Variants in GLRA3 observed in about 807,000 individuals in gnomAD.
GLRA3 encodes glycine receptor alpha 3.
In GLRA3, 44 loss-of-function variants were observed where a neutral mutation model predicts 60.4. That is an observed-to-expected ratio of 0.73 (90% CI 0.57 to 0.94). The LOEUF is 0.94. GLRA3 is among the 40% of genes least tolerant of loss of function. The probability of loss-of-function intolerance (pLI) is 0.00; values close to 1 mark genes in which losing one functional copy is unlikely to be tolerated. For missense variants in GLRA3, 508 were observed against 564.6 expected, an observed-to-expected ratio of 0.90 and a Z score of 1.02; for synonymous variants, 223 against 192.9, an observed-to-expected ratio of 1.16 and a Z score of -1.29.
chr4:174,802,321 A>G lies in GLRA3; in HGVS notation c.72-13378T>C, dbSNP rs145423937. On this transcript the variant is annotated intron_variant, in intron 1 of 9. Transcript: ENST00000274093. ...AAAACTTGAGACTTACATTTGTCTC[A>G]TCTACGTTCCTTTCTCAGAAAACCT... 5.4e-3 allele frequency among the ~76,000 whole-genome samples: 828 copies of G among 152,174 alleles called. 5 individuals are homozygous for G. The highest frequency in any genetic ancestry group is 0.019 in the African/African-American group (806 of 41,554).
intron 1 of GLRA3, among the ~76,000 whole-genome samples, chr4:174,819,868 TA>T (rs1298524394): frequency 2.0e-5 from 3 of 152,206 alleles, no homozygotes; most frequent in African/African-American, 7.2e-5. Context: ...ATGCATCATT[TA>T]TTTGATTAAT....
At chr4:174,704,017 GGGCACGGTGGCACA>G (rs2111057673) in intron 5 of GLRA3, among the ~76,000 whole-genome samples, 1 of 145,826 alleles carries the variant, frequency 6.9e-6, no homozygotes, top group South Asian at 2.2e-4. Flanking sequence ...GAAAGAGGCT[GGGCACGGTGGCACA>G]GGCATGTAAT....
intron 5 of GLRA3, among the ~76,000 whole-genome samples, chr4:174,689,277 C>T (rs958675747): frequency 2.0e-5 from 3 of 152,148 alleles, no homozygotes; most frequent in Admixed American, 1.3e-4. Flanking sequence ...TATGTATACA[C>T]ATCTAATAAT....
chr4:174,692,810 CG>C (rs1375302658), intron 5 of GLRA3, among the ~76,000 whole-genome samples: 2 of 151,944 alleles, frequency 1.3e-5, no homozygotes, highest in Non-Finnish European at 2.9e-5. Context: ...TGCAGAAGGC[CG>C]CGGGGTCCTC....
chr4:174,665,434 T>C (rs1220054860), intron 7 of GLRA3, among the ~76,000 whole-genome samples: 1 of 152,054 alleles, frequency 6.6e-6, no homozygotes, highest in Non-Finnish European at 1.5e-5. Context: ...ATAATTATAT[T>C]TATTTTTGTG....
At chr4:174,749,849 C>A (rs1737398408) in intron 3 of GLRA3, among the ~76,000 whole-genome samples, 1 of 152,082 alleles carries the variant, frequency 6.6e-6, no homozygotes. Context: ...ATTATATTCA[C>A]TCTCTTGCAG....
chr4:174,706,467 A>G (rs978405936), intron 5 of GLRA3, among the ~76,000 whole-genome samples: 16 of 152,218 alleles, frequency 1.1e-4, no homozygotes, highest in Non-Finnish European at 1.9e-4. Context: ...AAAGTATACA[A>G]AAGTGAAGTA....
Position 174,828,984 on chromosome 4 carries a change from T to C in GLRA3, c.-173A>G, listed in dbSNP as rs776194162. 16 of 601,936 alleles carry C rather than the reference T, an allele frequency of 2.7e-5. No individual in the cohort carries two copies. The highest frequency in any genetic ancestry group is 3.9e-5 in the Non-Finnish European group (13 of 333,778). The allele number at this position is 601,936 out of a possible 1,614,324, so 37.3% of individuals were successfully genotyped here. On this transcript the variant is annotated 5_prime_UTR_variant, in exon 1 of 10. An upstream start codon of the reference 5' UTR is lost. Coordinates refer to ENST00000274093, the MANE Select transcript of GLRA3 (RefSeq NM_006529.4). The stretch of plus-strand genomic sequence containing the variant: ...GCAGTATGCGGACCCCTTCTCAGCA[T>C]TGAGCAGAAGTGGAGAGTCACAGTG...
At chr4:174,721,503 TTA>T (rs1050396918) in intron 4 of GLRA3, among the ~76,000 whole-genome samples, 3 of 150,482 alleles carry the variant, frequency 2.0e-5, no homozygotes, top group Non-Finnish European at 4.4e-5. Context: ...CAAGTAATAA[TTA>T]TGTTACAAAT....
intron 7 of GLRA3, among the ~76,000 whole-genome samples, chr4:174,675,775 G>T (rs1734095857): frequency 6.6e-6 from 1 of 152,084 alleles, no homozygotes; most frequent in African/African-American, 2.4e-5. Context: ...TATTAGGAAA[G>T]ACAACCATTA....
chr4:174,712,406 A>G (rs1310981899), intron 5 of GLRA3: 1 of 151,978 alleles, frequency 6.6e-6, no homozygotes, highest in Non-Finnish European at 1.5e-5. Flanking sequence ...TGCTTTATTT[A>G]TTGTTATACC....
chr4:174,797,938 T>G (rs564482866), intron 1 of GLRA3, among the ~76,000 whole-genome samples: 1 of 148,404 alleles, frequency 6.7e-6, no homozygotes, highest in East Asian at 2.0e-4. Flanking sequence ...AAAAAAAAAA[T>G]GATAGGGGAG....
At chr4:174,690,085 C>T (rs1284244541) in intron 5 of GLRA3, among the ~76,000 whole-genome samples, 1 of 152,076 alleles carries the variant, frequency 6.6e-6, no homozygotes, top group Non-Finnish European at 1.5e-5. Context: ...CTAAATAAAA[C>T]AAGTCAGATG....
intron 2 of GLRA3, 57 bp downstream of exon 2, chr4:174,788,757 CTG>C (rs1188970643): frequency 2.4e-5 from 27 of 1,143,526 alleles, no homozygotes; most frequent in Non-Finnish European, 1.2e-6. Flanking sequence ...TAATTTAAAA[CTG>C]TACCTTGTTG....
Position 174,826,233 on chromosome 4 carries a change from C to T in GLRA3, c.71+2508G>A, listed in dbSNP as rs145544124. ...TAATTTTGATGTATTCATATAATGG[C>T]ATATGATACAACAATGAGAATGAAT... On this transcript the variant is annotated intron_variant, in intron 1 of 9. Coordinates refer to ENST00000274093, the MANE Select transcript of GLRA3 (RefSeq NM_006529.4). 9.6e-3 allele frequency among the ~76,000 whole-genome samples: 1,460 copies of T among 152,180 alleles called. 26 individuals carry two copies. Among genetic ancestry groups the T allele is most frequent in the African/African-American group, 0.033 (1,385 of 41,534 alleles).
At chr4:174,818,996 T>A (rs1740625635) in intron 1 of GLRA3, among the ~76,000 whole-genome samples, 1 of 152,338 alleles carries the variant, frequency 6.6e-6, no homozygotes, top group Admixed American at 6.5e-5. Flanking sequence ...TCCATCTTTA[T>A]CACTTATCAG....
intron 1 of GLRA3, among the ~76,000 whole-genome samples, chr4:174,811,769 G>T (rs569876388): frequency 1.3e-5 from 2 of 152,056 alleles, no homozygotes; most frequent in African/African-American, 2.4e-5. Context: ...GTTTGATAAC[G>T]GGTGGATCAT....
In GLRA3 at chr4:174,763,107, G is replaced by C. The variant is rs569519249; in HGVS notation, c.267+3856C>G. 2.6e-5 allele frequency among the ~76,000 whole-genome samples: 4 copies of C among 152,188 alleles called. No homozygotes were observed. In the South Asian group the frequency reaches 8.3e-4, roughly 32 times the overall value. Reference sequence around the variant, plus strand: ...CATTGTCTCAATTGTGAAAATTAATGATGTGACTTGGGGTTATTACAGTCA... The same window carrying C: ...CATTGTCTCAATTGTGAAAATTAATCATGTGACTTGGGGTTATTACAGTCA... On this transcript the variant is annotated intron_variant, in intron 3 of 9. Transcript: ENST00000274093.
intron 1 of GLRA3, among the ~76,000 whole-genome samples, chr4:174,792,126 C>A (rs574208825): frequency 6.6e-6 from 1 of 152,132 alleles, no homozygotes; most frequent in East Asian, 1.9e-4. Context: ...CAGAGTTGAG[C>A]ACTAAGGGTG....
Sources: gnomAD v4.1 joint callset for allele counts (sites outside exome capture counted in the v4.1 genomes callset) on GRCh38, gnomAD v4.1.1 for gene constraint, MANE v1.5 for transcripts, NCBI Gene and HGNC (gene_info 2026-07-23, HGNC 2026-07-21) for gene names.